The following FARS2 variants were observed in gnomAD, a reference collection of about 807,000 sequenced individuals.
FARS2 encodes the protein phenylalanyl-tRNA synthetase 2, mitochondrial.
FARS2 carries 40 observed loss-of-function variants against 46.4 expected under a neutral mutation model. That is an observed-to-expected ratio of 0.86 (90% CI 0.67 to 1.12). The LOEUF (loss-of-function observed/expected upper bound fraction) is 1.12, where lower values mean the gene tolerates loss of function less well. FARS2 is among the 50% of genes most tolerant of loss of function. FARS2 has a pLI of 0.00. For synonymous variants in FARS2, 234 were observed against 214.9 expected, an observed-to-expected ratio of 1.09 and a Z score of -0.78; for missense variants, 513 against 567.9, an observed-to-expected ratio of 0.90 and a Z score of 0.98.
intron 6 of FARS2, among the ~76,000 whole-genome samples, chr6:5,767,278 A>G (rs1762802308): frequency 6.6e-6 from 1 of 151,482 alleles, no homozygotes; most frequent in Non-Finnish European, 1.5e-5. Flanking sequence ...CTGGTCTCAA[A>G]CTCCTGACCT....
intron 4 of FARS2, among the ~76,000 whole-genome samples, chr6:5,458,906 C>T (rs931270101): frequency 6.6e-6 from 1 of 152,136 alleles, no homozygotes; most frequent in African/African-American, 2.4e-5. Context: ...CAAATGGTGC[C>T]ATTCTACCCT....
chr6:5,628,545 G>A (rs1776144696), intron 6 of FARS2, among the ~76,000 whole-genome samples: 2 of 152,234 alleles, frequency 1.3e-5, no homozygotes. Context: ...TGGGCACCCA[G>A]CAAAGCTGGG....
chr6:5,314,731 T>G (rs1296646397), intron 1 of FARS2, among the ~76,000 whole-genome samples: 1 of 152,210 alleles, frequency 6.6e-6, no homozygotes, highest in Admixed American at 6.5e-5. Context: ...CTCGTCGATA[T>G]GGGGTTACCA....
intron 4 of FARS2, among the ~76,000 whole-genome samples, chr6:5,432,356 T>TATA (rs1763249263): frequency 2.7e-5 from 3 of 111,304 alleles, no homozygotes; most frequent in African/African-American, 9.7e-5. Flanking sequence ...ATATATTATA[T>TATA]ATATATAATA....
chr6:5,498,409 C>T (rs903262284), intron 4 of FARS2, among the ~76,000 whole-genome samples: 2 of 152,076 alleles, frequency 1.3e-5, no homozygotes, highest in African/African-American at 2.4e-5. Flanking sequence ...TGAATCAGAT[C>T]GGCCAAGTTA....
intron 2 of FARS2, among the ~76,000 whole-genome samples, chr6:5,383,940 A>G (rs188800963): frequency 6.6e-6 from 1 of 152,258 alleles, no homozygotes; most frequent in African/African-American, 2.4e-5. Context: ...TGGAGAAGAA[A>G]ATGCAATCTC....
chr6:5,470,189 G>A lies in FARS2; in HGVS notation c.904+39017G>A, dbSNP rs915938850. The stretch of plus-strand genomic sequence containing the variant: ...CTCCATACCTGCAGGTTCTGCATCC[G>A]CAGACTCAACCAAGTGTGGATCAAA... On this transcript the variant is annotated intron_variant, in intron 4 of 6. Transcript: ENST00000274680. Among the ~76,000 whole-genome samples the A allele has an allele frequency of 5.9e-5, 9 of 152,066 alleles. No individual in the cohort carries two copies. The East Asian group carries it at 1.2e-3, about 19-fold the overall frequency.
intron 4 of FARS2, among the ~76,000 whole-genome samples, chr6:5,501,589 C>T (rs560481969): frequency 8.2e-4 from 125 of 152,212 alleles, no homozygotes; most frequent in Middle Eastern, 3.4e-3. Context: ...CTCCACCTCC[C>T]GGTCTAGCAA....
At chr6:5,607,886 A>G (rs1010919108) in intron 5 of FARS2, among the ~76,000 whole-genome samples, 6 of 152,174 alleles carry the variant, frequency 3.9e-5, no homozygotes, top group Non-Finnish European at 2.9e-5. Context: ...TTAGAATAAT[A>G]CAATAAAGAA....
chr6:5,436,474 T>C (rs1417248145), intron 4 of FARS2, among the ~76,000 whole-genome samples: 2 of 152,264 alleles, frequency 1.3e-5, no homozygotes, highest in Non-Finnish European at 2.9e-5. Context: ...GGCACTGTGC[T>C]GGACAGAGGA....
chr6:5,605,245 C>T (rs756079136), intron 5 of FARS2, among the ~76,000 whole-genome samples: 10 of 152,170 alleles, frequency 6.6e-5, no homozygotes, highest in Admixed American at 2.0e-4. Flanking sequence ...GATCGCTAGC[C>T]GGGAGGTGGA....
At chr6:5,714,132 T>C (rs1020256805) in intron 6 of FARS2, among the ~76,000 whole-genome samples, 7 of 152,116 alleles carry the variant, frequency 4.6e-5, no homozygotes, top group Non-Finnish European at 1.0e-4. Flanking sequence ...TTATAAAATA[T>C]TTATCATAGT....
At chr6:5,352,744 C>T (rs1350027626) in intron 1 of FARS2, among the ~76,000 whole-genome samples, 4 of 151,608 alleles carry the variant, frequency 2.6e-5, no homozygotes, top group African/African-American at 9.7e-5. Flanking sequence ...TCCCTTCCTC[C>T]TTCCCTTCCT....
intron 6 of FARS2, among the ~76,000 whole-genome samples, chr6:5,717,908 C>CCA (rs1554128848): frequency 0.029 from 2,215 of 77,380 alleles, 130 homozygotes; most frequent in African/African-American, 0.08. Context: ...AAGGTATCAG[C>CCA]TATATATATA....
chr6:5,613,379 G>A (rs112205402), intron 6 of FARS2, 59 bp downstream of exon 6: 10 of 1,492,378 alleles, frequency 6.7e-6, no homozygotes, highest in Non-Finnish European at 9.1e-6. Context: ...AATGTCATGT[G>A]GAAGCATATC....
intron 3 of FARS2, among the ~76,000 whole-genome samples, chr6:5,408,437 A>G (rs77003287): frequency 4.6e-5 from 7 of 152,330 alleles, no homozygotes; most frequent in African/African-American, 1.7e-4. Context: ...AGAAGGAAAG[A>G]AGAGGCAAGG....
intron 3 of FARS2, among the ~76,000 whole-genome samples, chr6:5,418,944 C>T (rs1452701437): frequency 2.0e-5 from 3 of 151,830 alleles, no homozygotes; most frequent in Non-Finnish European, 4.4e-5. Context: ...TCCATCCTGT[C>T]CAGATGTGGA....
chr6:5,608,579 C>A (rs775613534), intron 5 of FARS2, among the ~76,000 whole-genome samples: 4 of 151,922 alleles, frequency 2.6e-5, no homozygotes, highest in African/African-American at 9.7e-5. Context: ...AACTTCATTT[C>A]CATCTATAAT....
At chr6:5,583,246 G>A (rs1391908785) in intron 5 of FARS2, among the ~76,000 whole-genome samples, 1 of 152,200 alleles carries the variant, frequency 6.6e-6, no homozygotes, top group East Asian at 1.9e-4. Flanking sequence ...GAATAAAGAA[G>A]AACATTTCTA....
Sources: allele counts gnomAD v4.1 joint callset (sites outside exome capture counted in the v4.1 genomes callset), GRCh38; gene constraint gnomAD v4.1.1; transcripts MANE v1.5; gene names NCBI Gene and HGNC (gene_info 2026-07-23, HGNC 2026-07-21).